ZNF185: variants seen among roughly 807,000 people sequenced by gnomAD.
ZNF185 encodes zinc finger protein 185 with LIM domain.
In ZNF185, 56 loss-of-function variants were observed where a neutral mutation model predicts 58.6. The ratio of observed to expected loss-of-function variants is 0.95; its 90% confidence interval spans 0.77 to 1.19. The LOEUF (loss-of-function observed/expected upper bound fraction) is 1.19, where lower values mean the gene tolerates loss of function less well. Ranked by LOEUF, ZNF185 falls within the 50% of genes most tolerant of loss-of-function variation. ZNF185 has a pLI of 0.00. For missense variants in ZNF185, 627 were observed against 573.5 expected, an observed-to-expected ratio of 1.09 and a Z score of -0.95; for synonymous variants, 230 against 215.9, an observed-to-expected ratio of 1.07 and a Z score of -0.57.
At chrX:152,970,130 C>T (rs977741089) in intron 21 of ZNF185, among the ~76,000 whole-genome samples, 4 of 111,277 alleles carry the variant, frequency 3.6e-5, no homozygotes, top group Admixed American at 9.5e-5. Flanking sequence ...TCCTGAGAAC[C>T]GGCTGACCAC....
chrX:152,903,385 T>A, the ZNF185 span, among the ~76,000 whole-genome samples: 1 of 31,696 alleles, frequency 3.2e-5, no homozygotes, highest in African/African-American at 1.9e-4. Flanking sequence ...GCGAGACTCG[T>A]CTCAAAAAAA....
chrX:152,914,826 C>T lies in ZNF185; in HGVS notation c.151C>T (p.Arg51Cys), dbSNP rs189415378. 307 of 1,181,222 alleles carry T rather than the reference C, an allele frequency of 2.6e-4. No individual in the cohort carries two copies. Among genetic ancestry groups the T allele is most frequent in the Non-Finnish European group, 3.0e-4 (264 of 881,322 alleles). Residue 51 changes from arginine (R) to cysteine (C), a missense_variant, in exon 2 of 23, where the codon CGC becomes TGC. By Grantham distance (180) the Arg-to-Cys change is radical. Transcript: ENST00000449285. ...TACCAAGCAGGATGAATCGGAGGGTCGCACCATGTAAGGCAAGGAGGCGGG... is the reference window on the plus strand; with the variant it reads ...TACCAAGCAGGATGAATCGGAGGGTTGCACCATGTAAGGCAAGGAGGCGGG...
chrX:152,927,904 G>A (rs782095083), intron 11 of ZNF185, among the ~76,000 whole-genome samples: 3 of 112,430 alleles, frequency 2.7e-5, no homozygotes, highest in African/African-American at 6.5e-5. Context: ...TGGGGTGAAG[G>A]GTCCACCCCC....
chrX:152,927,593 C>G (rs1316335870), intron 11 of ZNF185, among the ~76,000 whole-genome samples: 7 of 111,859 alleles, frequency 6.3e-5, no homozygotes, highest in African/African-American at 2.3e-4. Context: ...ATTCAGGACC[C>G]CTGCCAGCCT....
At chrX:152,929,518 T>C (rs1416537710) in intron 12 of ZNF185, among the ~76,000 whole-genome samples, 1 of 111,270 alleles carries the variant, frequency 9.0e-6, no homozygotes, top group African/African-American at 3.3e-5. Flanking sequence ...CTGGAGGAAT[T>C]GACATCCAAG....
upstream of ZNF185, among the ~76,000 whole-genome samples, chrX:152,911,637 C>CCAT (rs1364409166): frequency 1.6e-5 from 1 of 63,688 alleles, no homozygotes. Context: ...CCATCCCATC[C>CCAT]CATCCCATCC....
chrX:152,917,358 A>G lies in ZNF185; in HGVS notation c.337A>G (p.Lys113Glu), dbSNP rs375430376. ...GTTCCCCAAGGCCAACGGGACTCCA[A>G]AAAGGTATGTCCATGGGGTGTTGGC... The change falls in exon 5 of 23, where the codon AAA becomes GAA. Residue 113 changes from lysine to glutamate, a missense_variant. Lys to Glu is a moderately conservative substitution (Grantham distance 56). Coordinates refer to ENST00000449285, the Ensembl canonical transcript of ZNF185. 5 of 1,210,048 alleles carry G rather than the reference A, an allele frequency of 4.1e-6. No individual in the cohort carries two copies. In the East Asian group the frequency reaches 8.9e-5, roughly 22 times the overall value.
At chrX:152,909,770 C>T (rs1936854776), upstream of ZNF185, among the ~76,000 whole-genome samples, 1 of 112,654 alleles carries the variant, frequency 8.9e-6, no homozygotes, top group African/African-American at 3.2e-5. Context: ...CACAGCTGGG[C>T]CCCAGAGGCT....
At chrX:152,941,680 CG>C in intron 15 of ZNF185, 1 of 1,162,417 alleles carries the variant, frequency 8.6e-7, no homozygotes, top group Non-Finnish European at 1.1e-6. Context: ...CAGTGCCCGC[CG>C]GGAAAATGCG....
chrX:152,914,580 C>A, intron 1 of ZNF185, 57 bp downstream of exon 2: 1 of 1,149,490 alleles, frequency 8.7e-7, no homozygotes, highest in Non-Finnish European at 1.2e-6. Flanking sequence ...TGCTTCCAAG[C>A]CTGCCCCTAC....
intron 20 of ZNF185, among the ~76,000 whole-genome samples, chrX:152,968,447 A>G (rs2050337585): frequency 1.8e-5 from 2 of 112,932 alleles, no homozygotes; most frequent in South Asian, 7.3e-4. Flanking sequence ...ACTTGCACAC[A>G]TGCATATGCA....
Position 152,932,855 on chromosome X carries a change from C to T in ZNF185, c.1023-18C>T, listed in dbSNP as rs1569502466. 3 of 1,159,867 alleles carry T rather than the reference C, an allele frequency of 2.6e-6. No homozygotes were observed. The highest frequency in any genetic ancestry group is 2.4e-4 in the Middle Eastern group (1 of 4,214). On this transcript the variant is annotated intron_variant, in intron 13 of 22. Transcript: ENST00000449285. ...AAAACGCAACTAGAGTCAGCAAATACTCCACTTCTCATAACAGGTCAAGTG... is the reference window on the plus strand; with the variant it reads ...AAAACGCAACTAGAGTCAGCAAATATTCCACTTCTCATAACAGGTCAAGTG...
intron 16 of ZNF185, among the ~76,000 whole-genome samples, chrX:152,957,172 G>A (rs1016217739): frequency 9.3e-6 from 1 of 107,776 alleles, no homozygotes; most frequent in Non-Finnish European, 1.9e-5. Context: ...AGTTCAAGCA[G>A]TTCTCCTGCC....
chrX:152,901,356 G>A, the ZNF185 span, among the ~76,000 whole-genome samples: 7 of 108,710 alleles, frequency 6.4e-5, no homozygotes, highest in East Asian at 1.1e-3. Flanking sequence ...GGGCTCAAGC[G>A]ATCCTCGTGC....
chrX:152,955,699 C>A (rs969564408), intron 16 of ZNF185, among the ~76,000 whole-genome samples: 1 of 111,013 alleles, frequency 9.0e-6, no homozygotes, highest in Non-Finnish European at 1.9e-5. Flanking sequence ...CTCAGGAGAT[C>A]GAGACCATCA....
At chrX:152,956,477 A>G (rs61416584) in intron 16 of ZNF185, among the ~76,000 whole-genome samples, 6,623 of 111,712 alleles carry the variant, frequency 0.059, 486 homozygotes, top group African/African-American at 0.2. Context: ...GGTGGCTTAC[A>G]CCTGTAATCC....
intron 16 of ZNF185, among the ~76,000 whole-genome samples, chrX:152,947,826 G>A (rs184758872): frequency 4.4e-4 from 49 of 112,124 alleles, no homozygotes; most frequent in African/African-American, 1.3e-3. Flanking sequence ...GTGAGTCCAC[G>A]TGGTTCAGGG....
intron 16 of ZNF185, among the ~76,000 whole-genome samples, chrX:152,958,903 G>A (rs1465819223): frequency 8.9e-6 from 1 of 112,515 alleles, no homozygotes; most frequent in African/African-American, 3.2e-5. Context: ...ACAGGCCGGG[G>A]TGCGGCCGGC....
chrX:152,914,107 C>T (rs782687703), upstream of ZNF185, among the ~76,000 whole-genome samples: 4 of 111,378 alleles, frequency 3.6e-5, no homozygotes, highest in Non-Finnish European at 7.5e-5. Flanking sequence ...CTTCCCCACA[C>T]CCCCCAGCCT....
Sources: allele counts gnomAD v4.1 joint callset (sites outside exome capture counted in the v4.1 genomes callset), GRCh38; gene constraint gnomAD v4.1.1; transcripts MANE v1.5; gene names NCBI Gene and HGNC (gene_info 2026-07-23, HGNC 2026-07-21).